APPBP2: variants seen among roughly 807,000 people sequenced by gnomAD.
The protein encoded by APPBP2 is amyloid protein-binding protein 2.
A neutral mutation model predicts 76.0 loss-of-function variants in APPBP2; 15 were observed. That is an observed-to-expected ratio of 0.20 (90% confidence interval 0.13 to 0.30). The LOEUF (loss-of-function observed/expected upper bound fraction) is 0.30, where lower values mean the gene tolerates loss of function less well. Ranked by LOEUF, APPBP2 falls within the 10% of genes least tolerant of loss-of-function variation. APPBP2 has a pLI of 1.00. For synonymous variants in APPBP2, 222 were observed against 242.2 expected, an observed-to-expected ratio of 0.92 and a Z score of 0.77; for missense variants, 401 against 687.2, an observed-to-expected ratio of 0.58 and a Z score of 4.66.
chr17:60,458,180 C>T (rs7226268), intron 9 of APPBP2, among the ~76,000 whole-genome samples: 12,494 of 152,156 alleles, frequency 0.082, 1,704 homozygotes, highest in African/African-American at 0.28. Flanking sequence ...ACATCTGCAG[C>T]CTCAGCACTT....
intron 3 of APPBP2, among the ~76,000 whole-genome samples, chr17:60,482,096 G>T (rs1413607221): frequency 6.6e-6 from 1 of 152,128 alleles, no homozygotes; most frequent in Non-Finnish European, 1.5e-5. Flanking sequence ...GGTCAGGCTG[G>T]TCTCAAACTT....
intron 4 of APPBP2, among the ~76,000 whole-genome samples, chr17:60,474,748 A>G (rs2090577167): frequency 6.6e-6 from 1 of 152,080 alleles, no homozygotes; most frequent in Admixed American, 6.6e-5. Flanking sequence ...CTGGTTTGAA[A>G]AGAATCCTCA....
At chr17:60,517,552 C>T (rs1321282078) in intron 1 of APPBP2, among the ~76,000 whole-genome samples, 4 of 152,044 alleles carry the variant, frequency 2.6e-5, no homozygotes, top group Non-Finnish European at 5.9e-5. Flanking sequence ...CTGGAAATGA[C>T]TTTTGTGTGT....
At chr17:60,456,461 TA>T in intron 9 of APPBP2, 80 bp from the exon 10 acceptor site, 1 of 896,312 alleles carries the variant, frequency 1.1e-6, no homozygotes, top group African/African-American at 1.7e-5. Flanking sequence ...CAATCTGTAA[TA>T]TAATATTGAT....
intron 5 of APPBP2, among the ~76,000 whole-genome samples, chr17:60,465,643 G>C (rs1260447077): frequency 1.3e-5 from 2 of 152,086 alleles, no homozygotes; most frequent in Non-Finnish European, 2.9e-5. Context: ...CCAAGGTAGA[G>C]GATCACCTGA....
Position 60,458,665 on chromosome 17 carries a change from G to C in APPBP2, c.1061+1998C>G, listed in dbSNP as rs116201939. Among the ~76,000 whole-genome samples, 663 of 152,088 alleles carry C rather than the reference G, an allele frequency of 4.4e-3. 5 individuals are homozygous for C. The highest frequency in any genetic ancestry group is 0.015 in the African/African-American group (619 of 41,492). On this transcript the variant is annotated intron_variant, in intron 9 of 12. Transcript: ENST00000083182. ...AATGAATGAGCATGGCTATGTTCCAGTAAAACATAAAACTTTACTTATAGG... is the reference window on the plus strand; with the variant it reads ...AATGAATGAGCATGGCTATGTTCCACTAAAACATAAAACTTTACTTATAGG...
rs1478652707 is a variant in APPBP2, at chr17:60,494,642, TTA to T, written c.228-27_228-26del. On this transcript the variant is annotated intron_variant, in intron 2 of 12. Transcript: ENST00000083182. ...TCTGTAAGAAAAGAAAAAGATTATTTTATAGAGTTAATTTATTTTTCTCCTTT... is the reference window on the plus strand; with the variant it reads ...TCTGTAAGAAAAGAAAAAGATTATTTTAGAGTTAATTTATTTTTCTCCTTT... 6 of 1,550,426 alleles carry T rather than the reference TTA, an allele frequency of 3.9e-6. No homozygotes were observed. The African/African-American group carries it at 8.4e-5, about 22-fold the overall frequency.
chr17:60,504,107 A>G (rs1540446), intron 1 of APPBP2, among the ~76,000 whole-genome samples: 29,267 of 152,164 alleles, frequency 0.19, 9,352 homozygotes, highest in African/African-American at 0.66. Context: ...TTTTTGTTCC[A>G]GTAATGATTC....
At chr17:60,510,073 C>T (rs1392074682) in intron 1 of APPBP2, among the ~76,000 whole-genome samples, 2 of 150,704 alleles carry the variant, frequency 1.3e-5, no homozygotes, top group African/African-American at 5.0e-5. Context: ...GTTATCGTCA[C>T]TTACATGATT....
At position 60,443,320 on chromosome 17, in the gene APPBP2, C is replaced by G. The variant is rs2090316998; in HGVS notation, c.*4261G>C. The G allele has an allele frequency of 6.6e-6, 1 of 152,574 alleles. No individual in the cohort carries two copies. Among genetic ancestry groups the G allele is most frequent in the African/African-American group, 2.4e-5 (1 of 41,424 alleles). The allele number at this position is 152,574 out of a possible 1,614,324, so 9.5% of individuals were successfully genotyped here. ...AATGATATGAAAGGTCATCCTGACA[C>G]AATGAAGAACCGTCTTCAAAAATCT... On this transcript the variant is annotated 3_prime_UTR_variant, in exon 13 of 13. Transcript: ENST00000083182.
chr17:60,513,796 G>A (rs1439759552), intron 1 of APPBP2, among the ~76,000 whole-genome samples: 1 of 151,650 alleles, frequency 6.6e-6, no homozygotes, highest in Non-Finnish European at 1.5e-5. Context: ...CTGGGAAGCA[G>A]AGGTTGCAGA....
At chr17:60,525,703 A>C in intron 1 of APPBP2, 91 bp downstream of exon 1, 1 of 1,576,522 alleles carries the variant, frequency 6.3e-7, no homozygotes, top group Non-Finnish European at 8.6e-7. Flanking sequence ...GGAAGGGGTG[A>C]GGGGTTAACT....
At chr17:60,486,459 G>A (rs1041922751) in intron 3 of APPBP2, among the ~76,000 whole-genome samples, 10 of 148,174 alleles carry the variant, frequency 6.7e-5, no homozygotes, top group African/African-American at 1.6e-4. Flanking sequence ...TGATGGCCTC[G>A]TCTCTTTTGA....
intron 1 of APPBP2, among the ~76,000 whole-genome samples, chr17:60,521,093 A>G (rs1049613470): frequency 6.6e-6 from 1 of 152,130 alleles, no homozygotes; most frequent in Non-Finnish European, 1.5e-5. Context: ...ATATCACTCC[A>G]TCTGCCTCAC....
chr17:60,470,737 C>A lies in APPBP2; in HGVS notation c.504-4278G>T, dbSNP rs535403483. ...GGATTACAGGCGCCTGCCACCATAC[C>A]CAGCTAATTTTCCTATTTTTAGTAG... On this transcript the variant is annotated intron_variant, in intron 4 of 12. Transcript: ENST00000083182. Among the ~76,000 whole-genome samples the A allele has an allele frequency of 4.0e-5, 6 of 151,350 alleles. No individual in the cohort carries two copies. In the South Asian group the frequency reaches 1.3e-3, roughly 32 times the overall value.
At chr17:60,519,880 C>G (rs2143504952) in intron 1 of APPBP2, among the ~76,000 whole-genome samples, 1 of 149,578 alleles carries the variant, frequency 6.7e-6, no homozygotes, top group Admixed American at 6.7e-5. Context: ...GCCTCCTGGG[C>G]TCAAGCAATC....
chr17:60,469,143 C>T (rs571063863), intron 4 of APPBP2, among the ~76,000 whole-genome samples: 2 of 151,736 alleles, frequency 1.3e-5, no homozygotes, highest in South Asian at 2.1e-4. Context: ...CTGGCCAACA[C>T]GATCCCCGTC....
chr17:60,483,396 C>T (rs1030262577), intron 3 of APPBP2, among the ~76,000 whole-genome samples: 3 of 151,954 alleles, frequency 2.0e-5, no homozygotes, highest in African/African-American at 7.2e-5. Flanking sequence ...ACTCTGATGA[C>T]AGTTTCTTTT....
At chr17:60,482,263 A>G (rs1370320980) in intron 3 of APPBP2, among the ~76,000 whole-genome samples, 1 of 152,202 alleles carries the variant, frequency 6.6e-6, no homozygotes, top group African/African-American at 2.4e-5. Context: ...TATAAACAAG[A>G]AATAAATGAA....
Sources: allele counts gnomAD v4.1 joint callset (sites outside exome capture counted in the v4.1 genomes callset), GRCh38; gene constraint gnomAD v4.1.1; transcripts MANE v1.5; gene names NCBI Gene and HGNC (gene_info 2026-07-23, HGNC 2026-07-21).